Variants in RADIL observed in about 807,000 individuals in gnomAD.
The protein encoded by RADIL is ras-associating and dilute domain-containing protein.
Under a neutral mutation model 97.6 loss-of-function variants are expected in RADIL, and 99 were observed. That is an observed-to-expected ratio of 1.01 (90% CI 0.86 to 1.20). RADIL has a LOEUF of 1.20. Among genes scored for constraint, RADIL ranks in the 50% most tolerant of loss-of-function variants. RADIL has a pLI of 0.00. For synonymous variants in RADIL, 803 were observed against 691.8 expected (o/e 1.16, Z -2.52); for missense variants, 1,765 against 1,498.9 (o/e 1.18, Z -2.93).
intron 10 of RADIL, among the ~76,000 whole-genome samples, chr7:4,804,363 T>C (rs1439313435): frequency 2.6e-5 from 4 of 152,244 alleles, no homozygotes; most frequent in African/African-American, 7.2e-5. Flanking sequence ...TTCTCCACGG[T>C]GACCCGGGGC....
chr7:4,865,652 C>T lies in RADIL; in HGVS notation c.535+11953G>A, dbSNP rs569300988. 1.2e-4 allele frequency: 108 copies of T among 922,530 alleles called. No individual in the cohort carries two copies. In the East Asian group the frequency reaches 2.3e-3, roughly 20 times the overall value. The allele number at this position is 922,530 out of a possible 1,614,324, so 57.1% of individuals were successfully genotyped here. On this transcript the variant is annotated intron_variant, in intron 2 of 14. Transcript: ENST00000399583. The stretch of plus-strand genomic sequence containing the variant: ...CCCTCCACCAAGGTTCCCAGCTTTT[C>T]CATTCACTTTGATCCTTTCTTGCAA...
At chr7:4,805,766 C>A (rs1260604199) in intron 9 of RADIL, 50 bp from the exon 10 acceptor site, 2 of 1,568,870 alleles carry the variant, frequency 1.3e-6, no homozygotes, top group East Asian at 4.5e-5. Flanking sequence ...GTGCAGACCC[C>A]AGCCCAAAGA....
intron 12 of RADIL, 142 bp from the exon 13 acceptor site, chr7:4,800,452 G>GA: frequency 2.1e-6 from 2 of 937,972 alleles, no homozygotes; most frequent in South Asian, 4.1e-5. Context: ...TGTTCAGGCA[G>GA]AATGTGACCG....
At position 4,879,198 on chromosome 7, in the gene RADIL, T is replaced by C. The variant is rs371599915; in HGVS notation, c.-64-995A>G. ...TGCCCGGCGCTCCAGGCCACAGAGA[T>C]GCAGTCTCCTGGGGAAACGGGAAAA... On this transcript the variant is annotated intron_variant, in intron 1 of 14. Transcript: ENST00000399583. The surrounding 1 kb of genome is among the most constrained non-coding windows in gnomAD (Gnocchi z 4.1). Among the ~76,000 whole-genome samples the C allele has an allele frequency of 6.6e-6, 1 of 152,200 alleles. No individual in the cohort carries two copies. Among genetic ancestry groups the C allele is most frequent in the Non-Finnish European group, 1.5e-5 (1 of 68,032 alleles).
intron 10 of RADIL, 42 bp from the exon 11 acceptor site, chr7:4,803,796 C>G (rs975246439): frequency 4.0e-6 from 6 of 1,516,110 alleles, no homozygotes; most frequent in African/African-American, 1.4e-5. Flanking sequence ...ACAGGAGAAG[C>G]TGCCTCCCTC....
chr7:4,863,431 T>C (rs1784066494), intron 2 of RADIL, among the ~76,000 whole-genome samples: 1 of 152,210 alleles, frequency 6.6e-6, no homozygotes, highest in Non-Finnish European at 1.5e-5. Flanking sequence ...TCTTGTAATT[T>C]TGGATTGTGA....
chr7:4,835,331 G>GCC lies in RADIL; in HGVS notation c.784-93_784-92insGG. ...TAGTCACTGGTTGCTGAAGCAGCGTGGCTGGGATGCTGTCGCCACGGGCTC... is the reference window on the plus strand; with the variant it reads ...TAGTCACTGGTTGCTGAAGCAGCGTGCCGCTGGGATGCTGTCGCCACGGGCTC... On this transcript the variant is annotated intron_variant, in intron 3 of 14. Coordinates refer to ENST00000399583, the MANE Select transcript of RADIL (RefSeq NM_018059.5). This position sits in a 1 kb window ranked among gnomAD's most constrained non-coding sequence, Gnocchi z 5.8. 1 of 1,497,858 alleles carries GCC rather than the reference G, an allele frequency of 6.7e-7. No individual in the cohort carries two copies. Among genetic ancestry groups the GCC allele is most frequent in the Non-Finnish European group, 8.9e-7 (1 of 1,117,788 alleles). 92.8% of individuals were successfully genotyped at this position (1,497,858 alleles called of 1,614,324 possible).
intron 1 of RADIL, chr7:4,882,231 G>C (rs1784502380): frequency 6.6e-6 from 1 of 152,248 alleles, no homozygotes; most frequent in Non-Finnish European, 1.5e-5. Context: ...GGCGGAGCCT[G>C]GCCTGTTTGT....
At position 4,814,572 on chromosome 7, in the gene RADIL, G is replaced by A. The variant is rs1279930941; in HGVS notation, c.2139+706C>T. Among the ~76,000 whole-genome samples the A allele has an allele frequency of 6.6e-6, 1 of 152,054 alleles. No individual in the cohort carries two copies. Among genetic ancestry groups the A allele is most frequent in the Non-Finnish European group, 1.5e-5 (1 of 68,012 alleles). ...GAGTGGCTGACTGTGTTGGGAGGGG[G>A]GTGGTGAGCAGCGAGGGAAGCAGGG... is the stretch of plus-strand genomic sequence containing the variant. On this transcript the variant is annotated intron_variant, in intron 9 of 14. Coordinates refer to ENST00000399583, the MANE Select transcript of RADIL (RefSeq NM_018059.5). The surrounding 1 kb of genome is among the most constrained non-coding windows in gnomAD (Gnocchi z 4.5).
At position 4,848,216 on chromosome 7, in the gene RADIL, CA is replaced by C. The variant is rs34341810; in HGVS notation, c.536-11612del. 1.3e-3 allele frequency among the ~76,000 whole-genome samples: 172 copies of C among 129,116 alleles called. 1 individual carries two copies. The highest frequency in any genetic ancestry group is 6.4e-3 in the South Asian group (26 of 4,076). 84.7% of individuals were successfully genotyped at this position (129,116 alleles called of 152,430 possible). On this transcript the variant is annotated intron_variant, in intron 2 of 14. Coordinates refer to ENST00000399583, the MANE Select transcript of RADIL (RefSeq NM_018059.5). ...TGGGTGACTGAGTGAGACCCCGTCT[CA>C]AAAAAAAAAAAAAATTGCTAAGACT...
chr7:4,867,111 C>T lies in RADIL; in HGVS notation c.535+10494G>A, dbSNP rs1784148364. 6.6e-6 allele frequency among the ~76,000 whole-genome samples: 1 copy of T among 152,136 alleles called. No individual in the cohort carries two copies. The highest frequency in any genetic ancestry group is 2.4e-5 in the African/African-American group (1 of 41,420). On this transcript the variant is annotated intron_variant, in intron 2 of 14. Coordinates refer to ENST00000399583, the MANE Select transcript of RADIL (RefSeq NM_018059.5). The surrounding 1 kb of genome is among the most constrained non-coding windows in gnomAD (Gnocchi z 4.1). ...CTGTGGAACCATGAGATAAATAAAC[C>T]TCTTTTCCTTATACATTACCAGCCA...
rs73671971 is a variant in RADIL, at chr7:4,842,422, A to G, written c.536-5817T>C. On this transcript the variant is annotated intron_variant, in intron 2 of 14. Transcript: ENST00000399583. This position sits in a 1 kb window ranked among gnomAD's most constrained non-coding sequence, Gnocchi z 4.5. Reference sequence around the variant, plus strand: ...GCGGCGAGGGAGACAGCATGCAGCCACAGCCACACGGCTTTGTCTAGGCCA... The same window carrying G: ...GCGGCGAGGGAGACAGCATGCAGCCGCAGCCACACGGCTTTGTCTAGGCCA... Among the ~76,000 whole-genome samples the G allele has an allele frequency of 6.4e-4, 97 of 152,306 alleles. No individual in the cohort carries two copies. The highest frequency in any genetic ancestry group is 2.3e-3 in the African/African-American group (94 of 41,570).
intron 2 of RADIL, chr7:4,865,448 C>T: frequency 2.7e-6 from 2 of 729,694 alleles, no homozygotes; most frequent in Non-Finnish European, 2.5e-6. Context: ...TGTCTTCCTC[C>T]TCTTCTTTGT....
Position 4,883,678 on chromosome 7 carries a change from T to G in RADIL, c.-147A>C, listed in dbSNP as rs1784531267. The stretch of plus-strand genomic sequence containing the variant: ...TGGGGCCGGCGCCCAGACCCGCGCG[T>G]GCCGCGGCGCCTCCTGCCGGCGGCG... On this transcript the variant is annotated 5_prime_UTR_variant, in exon 1 of 15. Coordinates refer to ENST00000399583, the MANE Select transcript of RADIL (RefSeq NM_018059.5). This position sits in a 1 kb window ranked among gnomAD's most constrained non-coding sequence, Gnocchi z 7.1. The G allele has an allele frequency of 6.6e-6, 1 of 151,848 alleles. No homozygotes were observed. Among genetic ancestry groups the G allele is most frequent in the Non-Finnish European group, 1.5e-5 (1 of 67,972 alleles). The allele number at this position is 151,848 out of a possible 1,614,324, so 9.4% of individuals were successfully genotyped here.
rs1464349572 is a variant in RADIL at position 4,815,392 on chromosome 7, C to T, written c.2025G>A (p.Gln675=). 2 of 1,565,326 alleles carry T rather than the reference C, an allele frequency of 1.3e-6. No homozygotes were observed. The highest frequency in any genetic ancestry group is 2.3e-5 in the South Asian group (2 of 85,200). Reference sequence around the variant, plus strand: ...CGCTCCGCATCCACTCCAGGAGCTGCTGCAGGCGGGCGCAGGCCTGGACAC... The same window carrying T: ...CGCTCCGCATCCACTCCAGGAGCTGTTGCAGGCGGGCGCAGGCCTGGACAC... ...PRGVQACARL[Q]QLLEWMRSAG... is the part of the protein sequence containing the mutation. The change falls in exon 9 of 15, where the codon CAG becomes CAA. Residue 675 remains glutamine (Q), a synonymous_variant. Transcript: ENST00000399583. This position sits in a 1 kb window ranked among gnomAD's most constrained non-coding sequence, Gnocchi z 8.0.
At position 4,842,980 on chromosome 7, in the gene RADIL, A is replaced by T. The variant is rs960527774; in HGVS notation, c.536-6375T>A. On this transcript the variant is annotated intron_variant, in intron 2 of 14. Coordinates refer to ENST00000399583, the MANE Select transcript of RADIL (RefSeq NM_018059.5). The surrounding 1 kb of genome is among the most constrained non-coding windows in gnomAD (Gnocchi z 4.5). ...AGAATAGCTGGGACTATAGGTGCGC[A>T]CCCCCATGCCCGGCAAGAGACAATT... Among the ~76,000 whole-genome samples, 1 of 142,524 alleles carries T rather than the reference A, an allele frequency of 7.0e-6. No individual in the cohort carries two copies. Among genetic ancestry groups the T allele is most frequent in the South Asian group, 2.3e-4 (1 of 4,410 alleles). The allele number at this position is 142,524 out of a possible 152,430, so 93.5% of individuals were successfully genotyped here.
intron 9 of RADIL, chr7:4,808,467 C>A: frequency 5.7e-6 from 3 of 522,256 alleles, no homozygotes; most frequent in Non-Finnish European, 7.4e-6. Context: ...CTAGGGCCAG[C>A]GAGGCCTATT....
At position 4,818,115 on chromosome 7, in the gene RADIL, G is replaced by A. The variant is rs138632504; in HGVS notation, c.1616-764C>T. On this transcript the variant is annotated intron_variant, in intron 6 of 14. Transcript: ENST00000399583. This position sits in a 1 kb window ranked among gnomAD's most constrained non-coding sequence, Gnocchi z 7.1. ...ACCACAGTGGTGTTCCCTGTCAGCC[G>A]CGTGGGCGGCCACAGCTCCCCTCCT... Among the ~76,000 whole-genome samples the A allele has an allele frequency of 1.9e-3, 293 of 152,300 alleles. 2 individuals carry two copies. The highest frequency in any genetic ancestry group is 4.1e-3 in the African/African-American group (170 of 41,566).
chr7:4,803,536 C>A lies in RADIL; in HGVS notation c.2499+10G>T, dbSNP rs1337567791. Reference sequence around the variant, plus strand: ...GGGCACGCTGGCTGGGGGGCCCCCTCCCCGGGTACCTCGGGGCACACTGGC... The same window carrying A: ...GGGCACGCTGGCTGGGGGGCCCCCTACCCGGGTACCTCGGGGCACACTGGC... On this transcript the variant is annotated intron_variant, in intron 11 of 14. Coordinates refer to ENST00000399583, the MANE Select transcript of RADIL (RefSeq NM_018059.5). 6.5e-7 allele frequency: 1 copy of A among 1,531,610 alleles called. No homozygotes were observed. The highest frequency in any genetic ancestry group is 8.8e-7 in the Non-Finnish European group (1 of 1,134,548). 94.9% of individuals were successfully genotyped at this position (1,531,610 alleles called of 1,614,324 possible).
Sources: allele counts gnomAD v4.1 joint callset (sites outside exome capture counted in the v4.1 genomes callset), GRCh38; gene constraint gnomAD v4.1.1; non-coding constraint Gnocchi (gnomAD v3.1); transcripts MANE v1.5; gene names NCBI Gene and HGNC (gene_info 2026-07-23, HGNC 2026-07-21).